The following ATG16L1 variants were observed in gnomAD, a reference collection of about 807,000 sequenced individuals.
ATG16L1 encodes the protein autophagy related 16 like 1.
Under a neutral mutation model 88.5 loss-of-function variants are expected in ATG16L1, and 37 were observed. The observed-to-expected ratio is 0.42, with a 90% confidence interval of 0.32 to 0.55. The LOEUF (loss-of-function observed/expected upper bound fraction) is 0.55, where lower values mean the gene tolerates loss of function less well. ATG16L1 is among the 20% of genes least tolerant of loss of function. The pLI is 0.13. For missense variants in ATG16L1, 554 were observed against 752.8 expected (o/e 0.74, Z 3.09); for synonymous variants, 301 against 281.0 (o/e 1.07, Z -0.71).
intron 14 of ATG16L1, among the ~76,000 whole-genome samples, chr2:233,291,926 A>C (rs1699491611): frequency 6.6e-6 from 1 of 152,226 alleles, no homozygotes. Flanking sequence ...TCAGAGTTCT[A>C]GTCTGGGAAT....
At chr2:233,293,398 C>G in intron 17 of ATG16L1, 41 bp downstream of exon 17, 1 of 1,566,664 alleles carries the variant, frequency 6.4e-7, no homozygotes, top group South Asian at 1.1e-5. Flanking sequence ...GCGTTGTGAG[C>G]AAGGCCTTTG....
rs1696382892 is a variant in ATG16L1 at position 233,251,737 on chromosome 2, T to C, written c.-91T>C. 1 of 1,218,326 alleles carries C rather than the reference T, an allele frequency of 8.2e-7. No individual in the cohort carries two copies. Among genetic ancestry groups the C allele is most frequent in the Non-Finnish European group, 1.2e-6 (1 of 854,108 alleles). 75.5% of individuals were successfully genotyped at this position (1,218,326 alleles called of 1,614,324 possible). Reference sequence around the variant, plus strand: ...AGGTGAGCTCCGGGATTGCCGGCATTCCCGCTTCTGCTGGTTGCTTCATGC... The same window carrying C: ...AGGTGAGCTCCGGGATTGCCGGCATCCCCGCTTCTGCTGGTTGCTTCATGC... On this transcript the variant is annotated 5_prime_UTR_variant, in exon 1 of 18. Coordinates refer to ENST00000392017, the MANE Select transcript of ATG16L1 (RefSeq NM_030803.7).
intron 10 of ATG16L1, 71 bp downstream of exon 10, chr2:233,277,744 G>A: frequency 1.5e-6 from 2 of 1,375,686 alleles, no homozygotes; most frequent in Non-Finnish European, 1.0e-6. Context: ...GAAAGAAGCT[G>A]TGTTGCTGGC....
chr2:233,264,352 C>T lies in ATG16L1; in HGVS notation c.389+287C>T, dbSNP rs564450878. Among the ~76,000 whole-genome samples, 14 of 152,306 alleles carry T rather than the reference C, an allele frequency of 9.2e-5. No homozygotes were observed. In the South Asian group the frequency reaches 2.9e-3, roughly 32 times the overall value. On this transcript the variant is annotated intron_variant, in intron 4 of 17. Transcript: ENST00000392017. ...CTCCTGTGGCCGCTGTGTGTGGGAGCTGGTATGTTCCTGTGGTGGAGGTGG... is the reference window on the plus strand; with the variant it reads ...CTCCTGTGGCCGCTGTGTGTGGGAGTTGGTATGTTCCTGTGGTGGAGGTGG...
At chr2:233,262,845 T>C (rs980752595) in intron 2 of ATG16L1, among the ~76,000 whole-genome samples, 1 of 152,204 alleles carries the variant, frequency 6.6e-6, no homozygotes, top group East Asian at 1.9e-4. Context: ...CAGTGGGCCC[T>C]GTTGGTGCCT....
rs1035334191 is a variant in ATG16L1 at position 233,256,079 on chromosome 2, T to G, written c.116-23T>G. On this transcript the variant is annotated intron_variant, in intron 1 of 17. Transcript: ENST00000392017. The stretch of plus-strand genomic sequence containing the variant: ...CATACGTTGTAATAAATAACTTAGT[T>G]TCTGACTTTTTTATTTTAATAGATA... 6 of 1,592,806 alleles carry G rather than the reference T, an allele frequency of 3.8e-6. No individual in the cohort carries two copies. In the South Asian group the frequency reaches 5.5e-5, roughly 15 times the overall value.
Position 233,256,142 on chromosome 2 carries a change from G to A in ATG16L1, c.156G>A (p.Leu52=), listed in dbSNP as rs761448087. ...AAAAGTCAGATCTTCATTCAGTGTTGGCCCAGAAACTACAGGCTGAAAAGC... is the reference window on the plus strand; with the variant it reads ...AAAAGTCAGATCTTCATTCAGTGTTAGCCCAGAAACTACAGGCTGAAAAGC... ...LLEKSDLHSV[L]AQKLQAEKHD... Residue 52 remains leucine, a synonymous_variant, in exon 2 of 18, where the codon TTG becomes TTA. Transcript: ENST00000392017. The A allele has an allele frequency of 3.1e-6, 5 of 1,613,732 alleles. No homozygotes were observed. The highest frequency in any genetic ancestry group is 4.2e-6 in the Non-Finnish European group (5 of 1,179,972).
intron 5 of ATG16L1, among the ~76,000 whole-genome samples, chr2:233,265,413 T>A (rs1697496366): frequency 6.6e-6 from 1 of 152,262 alleles, no homozygotes; most frequent in Non-Finnish European, 1.5e-5. Flanking sequence ...ACAAGAAGAC[T>A]ATAATCCAAC....
chr2:233,264,202 A>T (rs916928873), intron 4 of ATG16L1, 137 bp downstream of exon 4: 1 of 735,042 alleles, frequency 1.4e-6, no homozygotes, highest in Non-Finnish European at 2.3e-6. Context: ...CAGTGCATAC[A>T]CACTCTGGGA....
intron 14 of ATG16L1, 141 bp from the exon 15 acceptor site, chr2:233,291,987 A>G: frequency 1.1e-6 from 1 of 924,734 alleles, no homozygotes; most frequent in Non-Finnish European, 1.6e-6. Flanking sequence ...GTCACAGGTT[A>G]TTAGAAGACT....
At chr2:233,271,427 C>T (rs1374671718) in intron 6 of ATG16L1, among the ~76,000 whole-genome samples, 6 of 152,146 alleles carry the variant, frequency 3.9e-5, no homozygotes, top group Admixed American at 6.5e-5. Flanking sequence ...TACAGGCATG[C>T]GCCACCACGC....
rs60165246 is a variant in ATG16L1 at position 233,257,013 on chromosome 2, T to TTTTTG, written c.209+849_209+853dup. Among the ~76,000 whole-genome samples the TTTTTG allele has an allele frequency of 2.9e-3, 427 of 149,214 alleles. 5 individuals carry two copies. In the East Asian group the frequency reaches 0.036, roughly 12 times the overall value. On this transcript the variant is annotated intron_variant, in intron 2 of 17. Coordinates refer to ENST00000392017, the MANE Select transcript of ATG16L1 (RefSeq NM_030803.7). ...CACCGCACTGGCCAGCTTACAATTT[T>TTTTTG]TTTTGTTTTGTTTTGTTTTGTTTTG...
intron 17 of ATG16L1, 93 bp downstream of exon 17, chr2:233,293,450 C>T (rs1435074966): frequency 5.1e-6 from 6 of 1,186,302 alleles, no homozygotes; most frequent in Non-Finnish European, 7.5e-6. Flanking sequence ...TCAGTCGGCG[C>T]TGTGAGGGCA....
chr2:233,276,211 T>C (rs1003874474), intron 9 of ATG16L1, among the ~76,000 whole-genome samples: 4 of 152,140 alleles, frequency 2.6e-5, no homozygotes, highest in Non-Finnish European at 5.9e-5. Flanking sequence ...CCCAAGCAAA[T>C]GTAAATATCA....
chr2:233,292,317 C>T, intron 15 of ATG16L1, 40 bp downstream of exon 15: 1 of 1,611,252 alleles, frequency 6.2e-7, no homozygotes, highest in Non-Finnish European at 8.5e-7. Flanking sequence ...ACCAGAGGCC[C>T]AGCCCTGCTC....
chr2:233,268,466 A>C (rs1350447743), intron 5 of ATG16L1, among the ~76,000 whole-genome samples: 3 of 152,164 alleles, frequency 2.0e-5, no homozygotes, highest in Admixed American at 2.0e-4. Flanking sequence ...TTGAGCTATT[A>C]AAGACCTTTC....
intron 1 of ATG16L1, among the ~76,000 whole-genome samples, chr2:233,255,209 GCCTT>G (rs1696692954): frequency 1.3e-5 from 2 of 152,136 alleles, no homozygotes; most frequent in African/African-American, 4.8e-5. Flanking sequence ...CAGGTAGTTT[GCCTT>G]CCTTGGCCTT....
Position 233,292,445 on chromosome 2 carries a change from A to AC in ATG16L1, c.1628+14dup. On this transcript the variant is annotated intron_variant, in intron 16 of 17. Coordinates refer to ENST00000392017, the MANE Select transcript of ATG16L1 (RefSeq NM_030803.7). The stretch of plus-strand genomic sequence containing the variant: ...CAGAGTTGTCTTCAGGTTAGTAGTG[A>AC]CCCACCCCCCGCCAATTTGGTTCAT... 6.2e-7 allele frequency: 1 copy of AC among 1,612,108 alleles called. No individual in the cohort carries two copies.
chr2:233,261,160 T>G (rs559363595), intron 2 of ATG16L1, among the ~76,000 whole-genome samples: 116 of 152,300 alleles, frequency 7.6e-4, no homozygotes, highest in Middle Eastern at 6.8e-3. Flanking sequence ...TTTCACCGTG[T>G]TAGCCAGGAT....
Sources: allele counts gnomAD v4.1 joint callset (sites outside exome capture counted in the v4.1 genomes callset), GRCh38; gene constraint gnomAD v4.1.1; transcripts MANE v1.5; gene names NCBI Gene and HGNC (gene_info 2026-07-23, HGNC 2026-07-21).